SMAD3: variants seen among roughly 807,000 people sequenced by gnomAD.
SMAD3 encodes SMAD family member 3.
A neutral mutation model predicts 51.8 loss-of-function variants in SMAD3; 12 were observed. That is an observed-to-expected ratio of 0.23 (90% CI 0.15 to 0.38). The LOEUF (loss-of-function observed/expected upper bound fraction) is 0.38, where lower values mean the gene tolerates loss of function less well. Among genes scored for constraint, SMAD3 ranks in the 10% least tolerant of loss-of-function variants. The pLI is 1.00. For synonymous variants in SMAD3, 238 were observed against 227.7 expected (o/e 1.05, Z -0.41); for missense variants, 294 against 565.6 (o/e 0.52, Z 4.87).
intron 1 of SMAD3, among the ~76,000 whole-genome samples, chr15:67,102,247 A>AGTGTGT (rs56983970): frequency 0.35 from 52,051 of 148,900 alleles, 9,529 homozygotes; most frequent in South Asian, 0.49. Context: ...ATGCTGTGAA[A>AGTGTGT]GTGTGTGTGT....
At position 67,127,106 on chromosome 15, in the gene SMAD3, G is replaced by A. The variant is rs1430392319; in HGVS notation, c.207-37789G>A. On this transcript the variant is annotated intron_variant, in intron 1 of 8. Coordinates refer to ENST00000327367, the MANE Select transcript of SMAD3 (RefSeq NM_005902.4). ...TATAGGGCTGGACTCTGTGCCGTGG[G>A]CTAAATACCGGCCACCTCGAGCCTC... is the stretch of plus-strand genomic sequence containing the variant. Among the ~76,000 whole-genome samples, 5 of 152,114 alleles carry A rather than the reference G, an allele frequency of 3.3e-5. No homozygotes were observed. The East Asian group carries it at 9.6e-4, about 29-fold the overall frequency.
intron 1 of SMAD3, chr15:67,125,817 A>T: frequency 3.0e-6 from 3 of 985,512 alleles, no homozygotes; most frequent in African/African-American, 1.7e-5. Flanking sequence ...CGCACTGACC[A>T]TAAGAGCAAC....
intron 1 of SMAD3, among the ~76,000 whole-genome samples, chr15:67,141,460 C>T (rs1961819136): frequency 6.6e-6 from 1 of 152,098 alleles, no homozygotes. Flanking sequence ...ATTCTCAGAC[C>T]CTGTAAAGTT....
chr15:67,191,428 C>T lies in SMAD3; in HGVS notation c.*892C>T, dbSNP rs1387728566. 1 of 233,354 alleles carries T rather than the reference C, an allele frequency of 4.3e-6. No individual in the cohort carries two copies. The highest frequency in any genetic ancestry group is 8.5e-6 in the Non-Finnish European group (1 of 118,076). 14.5% of individuals were successfully genotyped at this position (233,354 alleles called of 1,614,324 possible). ...CCACACTGGGTGCGTCTCCAGTCAT[C>T]TGTAAGAGCTTGCTCCAGATTCTGA... On this transcript the variant is annotated 3_prime_UTR_variant, in exon 9 of 9. Coordinates refer to ENST00000327367, the MANE Select transcript of SMAD3 (RefSeq NM_005902.4).
At chr15:67,089,765 T>C (rs1236326171) in intron 1 of SMAD3, among the ~76,000 whole-genome samples, 2 of 152,226 alleles carry the variant, frequency 1.3e-5, no homozygotes, top group African/African-American at 4.8e-5. Context: ...TTTCGTTTCA[T>C]CTCCCTGACA....
intron 3 of SMAD3, 61 bp from the exon 4 acceptor site, chr15:67,166,718 A>C: frequency 8.9e-7 from 1 of 1,120,030 alleles, no homozygotes; most frequent in Non-Finnish European, 1.3e-6. Flanking sequence ...TCTTTGCAAA[A>C]GGTGTCTCAG....
chr15:67,167,883 C>T (rs1054633208), intron 4 of SMAD3, among the ~76,000 whole-genome samples: 1 of 152,156 alleles, frequency 6.6e-6, no homozygotes, highest in Non-Finnish European at 1.5e-5. Flanking sequence ...GGGCATGCCT[C>T]GTACACACAG....
chr15:67,116,269 T>A (rs955361638), intron 1 of SMAD3, among the ~76,000 whole-genome samples: 2 of 152,182 alleles, frequency 1.3e-5, no homozygotes, highest in African/African-American at 4.8e-5. Context: ...TCCAAGCACA[T>A]CCTGGCCATC....
At chr15:67,121,962 GT>G (rs1961274739) in intron 1 of SMAD3, among the ~76,000 whole-genome samples, 1 of 152,140 alleles carries the variant, frequency 6.6e-6, no homozygotes, top group African/African-American at 2.4e-5. Flanking sequence ...TAAATGTTGG[GT>G]CATTAAAATT....
At chr15:67,183,029 ATATTTTTTT>A (rs1333157936) in intron 6 of SMAD3, among the ~76,000 whole-genome samples, 96 of 48,106 alleles carry the variant, frequency 2.0e-3, no homozygotes, top group Admixed American at 7.6e-3. Context: ...ATATATATAT[ATATTTTTTT>A]TTTTTTTTTT....
chr15:67,098,091 T>A (rs1275990147), intron 1 of SMAD3, among the ~76,000 whole-genome samples: 1 of 152,130 alleles, frequency 6.6e-6, no homozygotes. Context: ...GAGACCCAGC[T>A]GAGATGACAT....
At position 67,092,402 on chromosome 15, in the gene SMAD3, A is replaced by G. The variant is rs183912875; in HGVS notation, c.206+26042A>G. Among the ~76,000 whole-genome samples, 9 of 152,344 alleles carry G rather than the reference A, an allele frequency of 5.9e-5. No individual in the cohort carries two copies. In the East Asian group the frequency reaches 1.5e-3, roughly 26 times the overall value. On this transcript the variant is annotated intron_variant, in intron 1 of 8. Coordinates refer to ENST00000327367, the MANE Select transcript of SMAD3 (RefSeq NM_005902.4). ...TGTTAGGTGAACACTTTAAATTACT[A>G]TAAATCAGCAGTTCTCAAAGTGTGG... is the stretch of plus-strand genomic sequence containing the variant.
At chr15:67,069,369 G>C (rs1239152659) in intron 1 of SMAD3, among the ~76,000 whole-genome samples, 1 of 152,174 alleles carries the variant, frequency 6.6e-6, no homozygotes, top group Non-Finnish European at 1.5e-5. Flanking sequence ...TCACCTGCTT[G>C]AGTACCTGAG....
chr15:67,136,278 G>C (rs1961658615), intron 1 of SMAD3, among the ~76,000 whole-genome samples: 1 of 151,874 alleles, frequency 6.6e-6, no homozygotes, highest in Non-Finnish European at 1.5e-5. Flanking sequence ...TGAGCTCCCA[G>C]GGTCATCTGA....
chr15:67,162,080 G>C (rs1017843980), intron 1 of SMAD3, among the ~76,000 whole-genome samples: 1 of 152,214 alleles, frequency 6.6e-6, no homozygotes, highest in African/African-American at 2.4e-5. Context: ...CTCCAGGTCA[G>C]TTCCTGTGAC....
At chr15:67,171,341 G>C (rs1402980492) in intron 5 of SMAD3, among the ~76,000 whole-genome samples, 1 of 152,164 alleles carries the variant, frequency 6.6e-6, no homozygotes, top group African/African-American at 2.4e-5. Flanking sequence ...AGACTGCTGG[G>C]TCAGTTTTTC....
chr15:67,119,904 C>T (rs1409437572), intron 1 of SMAD3, among the ~76,000 whole-genome samples: 4 of 152,146 alleles, frequency 2.6e-5, no homozygotes, highest in Non-Finnish European at 5.9e-5. Flanking sequence ...TCAAGCAATC[C>T]TCCTGCCTCA....
intron 1 of SMAD3, among the ~76,000 whole-genome samples, chr15:67,106,886 A>T (rs1035894734): frequency 6.6e-6 from 1 of 152,186 alleles, no homozygotes; most frequent in African/African-American, 2.4e-5. Flanking sequence ...TGGTAATGGC[A>T]TAGTATTTAT....
intron 1 of SMAD3, among the ~76,000 whole-genome samples, chr15:67,149,203 G>T (rs1042231554): frequency 6.6e-6 from 1 of 152,230 alleles, no homozygotes; most frequent in Non-Finnish European, 1.5e-5. Flanking sequence ...GGCCAAGAGT[G>T]CAGGAGCCTC....
Sources: allele counts gnomAD v4.1 joint callset (sites outside exome capture counted in the v4.1 genomes callset), GRCh38; gene constraint gnomAD v4.1.1; transcripts MANE v1.5; gene names NCBI Gene and HGNC (gene_info 2026-07-23, HGNC 2026-07-21).